RBFOX3: variants seen among roughly 807,000 people sequenced by gnomAD.
The protein encoded by RBFOX3 is RNA binding protein fox-1 homolog 3.
RBFOX3 carries 17 observed loss-of-function variants against 48.7 expected under a neutral mutation model. The ratio of observed to expected loss-of-function variants is 0.35; its 90% CI spans 0.24 to 0.52. RBFOX3 has a LOEUF of 0.52. Ranked by LOEUF, RBFOX3 falls within the 20% of genes least tolerant of loss-of-function variation. The pLI, the probability that RBFOX3 is intolerant of heterozygous loss-of-function variation, is 0.94. For missense variants in RBFOX3, 382 were observed against 497.5 expected, an observed-to-expected ratio of 0.77 and a Z score of 2.21; for synonymous variants, 212 against 209.5, an observed-to-expected ratio of 1.01 and a Z score of -0.10.
At chr17:79,191,071 C>G (rs978958171) in intron 4 of RBFOX3, among the ~76,000 whole-genome samples, 1 of 152,238 alleles carries the variant, frequency 6.6e-6, no homozygotes, top group Non-Finnish European at 1.5e-5. Context: ...GTTCTTCCAT[C>G]AACAGCGGGT....
chr17:79,325,146 G>T (rs908851565), intron 2 of RBFOX3, among the ~76,000 whole-genome samples: 1 of 152,196 alleles, frequency 6.6e-6, no homozygotes, highest in Non-Finnish European at 1.5e-5. Flanking sequence ...CTATGTGCTG[G>T]GCCCTGCATC....
At chr17:79,429,268 C>A (rs974206322) in intron 2 of RBFOX3, among the ~76,000 whole-genome samples, 14 of 152,348 alleles carry the variant, frequency 9.2e-5, no homozygotes, top group Non-Finnish European at 1.5e-4. Flanking sequence ...TGGCCAGCGA[C>A]CACACACCCG....
the RBFOX3 span, among the ~76,000 whole-genome samples, chr17:79,640,326 C>T: frequency 6.6e-6 from 1 of 152,106 alleles, no homozygotes. Context: ...AATGAAAGGA[C>T]ATCCTGTGTT....
chr17:79,234,355 A>G (rs1439794291), intron 4 of RBFOX3: 1 of 152,238 alleles, frequency 6.6e-6, no homozygotes, highest in Non-Finnish European at 1.5e-5. Flanking sequence ...TCTAGTTCTA[A>G]TGTCAGGTCT....
chr17:79,489,240 T>TCAA (rs782251226), intron 1 of RBFOX3, among the ~76,000 whole-genome samples: 1 of 126,510 alleles, frequency 7.9e-6, no homozygotes, highest in African/African-American at 3.0e-5. Flanking sequence ...GCCAGAAAGT[T>TCAA]AAAAAAAAAA....
chr17:79,613,970 T>G (rs2145594617), upstream of RBFOX3, among the ~76,000 whole-genome samples: 1 of 152,310 alleles, frequency 6.6e-6, no homozygotes, highest in East Asian at 1.9e-4. Flanking sequence ...AGAGTGAGAC[T>G]TCCATCTCAA....
the RBFOX3 span, among the ~76,000 whole-genome samples, chr17:79,628,334 C>G: frequency 9.9e-5 from 15 of 152,204 alleles, no homozygotes; most frequent in African/African-American, 3.1e-4. Flanking sequence ...CAAACCTGAT[C>G]GTTTCCCCCT....
At chr17:79,653,326 C>T in the RBFOX3 span, among the ~76,000 whole-genome samples, 1 of 152,146 alleles carries the variant, frequency 6.6e-6, no homozygotes, top group Middle Eastern at 3.4e-3. Context: ...CTTCCCCAGG[C>T]AGAAAAGAGG....
intron 4 of RBFOX3, among the ~76,000 whole-genome samples, chr17:79,136,799 G>A (rs1242496308): frequency 6.6e-6 from 1 of 152,176 alleles, no homozygotes; most frequent in Non-Finnish European, 1.5e-5. Flanking sequence ...AGCCTGCTCT[G>A]CTCCCATCAA....
chr17:79,625,204 G>A, the RBFOX3 span, among the ~76,000 whole-genome samples: 1 of 152,032 alleles, frequency 6.6e-6, no homozygotes, highest in African/African-American at 2.4e-5. Flanking sequence ...CTGCCTTGCT[G>A]TCTGTCCCTG....
At chr17:79,097,181 C>CT in intron 11 of RBFOX3, 111 bp downstream of exon 11, 1 of 922,038 alleles carries the variant, frequency 1.1e-6, no homozygotes, top group East Asian at 2.9e-5. Context: ...CCTCCCCCCC[C>CT]CCAGGTCTGG....
chr17:79,302,572 T>TC (rs2075484966), intron 3 of RBFOX3, among the ~76,000 whole-genome samples: 1 of 152,118 alleles, frequency 6.6e-6, no homozygotes, highest in Non-Finnish European at 1.5e-5. Flanking sequence ...TCCCAGCTAC[T>TC]TGGGAGGCTG....
At chr17:79,469,326 C>T (rs1324740589) in intron 2 of RBFOX3, among the ~76,000 whole-genome samples, 1 of 152,198 alleles carries the variant, frequency 6.6e-6, no homozygotes, top group East Asian at 1.9e-4. Context: ...GTGCCCATCT[C>T]CCTGCAGCAG....
chr17:79,118,311 C>T (rs576338290), intron 4 of RBFOX3, among the ~76,000 whole-genome samples: 5 of 152,298 alleles, frequency 3.3e-5, no homozygotes, highest in Admixed American at 1.3e-4. Context: ...GAAGCACACA[C>T]GTGTGCATGC....
chr17:79,495,288 C>T (rs772635372), intron 1 of RBFOX3, among the ~76,000 whole-genome samples: 210 of 31,308 alleles, frequency 6.7e-3, no homozygotes, highest in African/African-American at 0.03. Context: ...TGGCACGGGT[C>T]GTGAACACCA....
intron 4 of RBFOX3, among the ~76,000 whole-genome samples, chr17:79,203,954 G>A (rs1488170814): frequency 6.6e-6 from 1 of 152,072 alleles, no homozygotes; most frequent in Non-Finnish European, 1.5e-5. Flanking sequence ...GGATGAGAAC[G>A]TTTGTGTGGA....
At chr17:79,612,867 TC>T (rs1343600820), upstream of RBFOX3, among the ~76,000 whole-genome samples, 1 of 152,214 alleles carries the variant, frequency 6.6e-6, no homozygotes, top group Non-Finnish European at 1.5e-5. Context: ...GGCTCTTGCC[TC>T]GCTGTGCCGG....
intron 1 of RBFOX3, among the ~76,000 whole-genome samples, chr17:79,564,583 CAG>C (rs1311209566): frequency 1.3e-5 from 2 of 152,182 alleles, no homozygotes; most frequent in Non-Finnish European, 2.9e-5. Context: ...CAGAAATAAT[CAG>C]AGGCGCAGAC....
intron 2 of RBFOX3, among the ~76,000 whole-genome samples, chr17:79,360,412 T>C (rs2147259096): frequency 6.6e-6 from 1 of 152,322 alleles, no homozygotes; most frequent in Non-Finnish European, 1.5e-5. Flanking sequence ...CACTGGAAGC[T>C]GCTCACCAGC....
Sources: gnomAD v4.1 joint callset for allele counts (sites outside exome capture counted in the v4.1 genomes callset) on GRCh38, gnomAD v4.1.1 for gene constraint, MANE v1.5 for transcripts, NCBI Gene and HGNC (gene_info 2026-07-23, HGNC 2026-07-21) for gene names.